The following KDM4C variants were observed in gnomAD, a reference collection of about 807,000 sequenced individuals.
KDM4C encodes lysine-specific demethylase 4C.
A neutral mutation model predicts 129.3 loss-of-function variants in KDM4C; 81 were observed. That is an observed-to-expected ratio of 0.63 (90% CI 0.52 to 0.75). KDM4C has a LOEUF of 0.75. Ranked by LOEUF, KDM4C falls within the 30% of genes least tolerant of loss-of-function variation. The pLI, the probability that KDM4C is intolerant of heterozygous loss-of-function variation, is 0.00. For synonymous variants in KDM4C, 573 were observed against 456.1 expected, an observed-to-expected ratio of 1.26 and a Z score of -3.26; for missense variants, 1,457 against 1,304.0, an observed-to-expected ratio of 1.12 and a Z score of -1.81.
intron 6 of KDM4C, among the ~76,000 whole-genome samples, chr9:6,882,370 C>G (rs975500305): frequency 6.6e-6 from 1 of 152,070 alleles, no homozygotes; most frequent in Non-Finnish European, 1.5e-5. Flanking sequence ...TAAATCTCAC[C>G]TATTTTAGAA....
intron 12 of KDM4C, among the ~76,000 whole-genome samples, chr9:7,004,895 G>C (rs1415752219): frequency 6.6e-6 from 1 of 152,208 alleles, no homozygotes; most frequent in Non-Finnish European, 1.5e-5. Context: ...CTGTCCTGCA[G>C]ACCCTGACCC....
intron 15 of KDM4C, among the ~76,000 whole-genome samples, chr9:7,022,747 T>G (rs2132272175): frequency 6.6e-6 from 1 of 151,972 alleles, no homozygotes; most frequent in East Asian, 1.9e-4. Flanking sequence ...AGAAAAGGCT[T>G]TCAGTTTTTC....
intron 17 of KDM4C, among the ~76,000 whole-genome samples, chr9:7,078,636 T>C (rs1471788174): frequency 2.0e-5 from 3 of 152,222 alleles, no homozygotes; most frequent in African/African-American, 7.2e-5. Context: ...TGTCTTGCAT[T>C]TTAAAGGTCC....
At chr9:6,767,463 C>G (rs1291339524) in intron 1 of KDM4C, among the ~76,000 whole-genome samples, 3 of 151,508 alleles carry the variant, frequency 2.0e-5, no homozygotes, top group African/African-American at 7.3e-5. Context: ...GAGACGGTGT[C>G]TTGATCTGTC....
At position 7,013,793 on chromosome 9, in the gene KDM4C, T is replaced by C; in HGVS notation, c.1974T>C (p.Asp658=). 6.2e-7 allele frequency: 1 copy of C among 1,613,712 alleles called. No individual in the cohort carries two copies. The highest frequency in any genetic ancestry group is 8.5e-7 in the Non-Finnish European group (1 of 1,179,790). Reference sequence around the variant, plus strand: ...GGAAACGTTATGTTTTTCAGCCAGATAGCAGCAATGAAGAAAATGATGCTA... The same window carrying C: ...GGAAACGTTATGTTTTTCAGCCAGACAGCAGCAATGAAGAAAATGATGCTA... The part of the protein sequence containing the change: ...CTLLMPYHKP[D]SSNEENDARW... Residue 658 remains aspartate, a synonymous_variant, in exon 14 of 22, where the codon GAT becomes GAC. Coordinates refer to ENST00000381309, the MANE Select transcript of KDM4C (RefSeq NM_015061.6).
intron 8 of KDM4C, among the ~76,000 whole-genome samples, chr9:6,961,906 G>A (rs937696074): frequency 1.3e-5 from 2 of 152,122 alleles, no homozygotes; most frequent in African/African-American, 4.8e-5. Flanking sequence ...CAGTTTCTGT[G>A]TACTACTGAA....
chr9:6,919,041 T>TG (rs1488964397), intron 8 of KDM4C, among the ~76,000 whole-genome samples: 2 of 152,174 alleles, frequency 1.3e-5, no homozygotes, highest in South Asian at 4.2e-4. Context: ...TTAGTAGAGA[T>TG]GGGGTTTCAC....
intron 1 of KDM4C, among the ~76,000 whole-genome samples, chr9:6,779,237 C>T (rs920751343): frequency 8.2e-5 from 12 of 146,532 alleles, no homozygotes; most frequent in African/African-American, 2.8e-4. Context: ...ACCGTGGTCT[C>T]GATCTCTTGA....
chr9:6,950,180 A>G (rs551621589), intron 8 of KDM4C, among the ~76,000 whole-genome samples: 8 of 151,984 alleles, frequency 5.3e-5, no homozygotes, highest in African/African-American at 1.9e-4. Flanking sequence ...AATATTTTGA[A>G]ATGATTAGCA....
At chr9:6,900,613 C>T (rs917560210) in intron 8 of KDM4C, among the ~76,000 whole-genome samples, 1 of 152,150 alleles carries the variant, frequency 6.6e-6, no homozygotes, top group African/African-American at 2.4e-5. Context: ...CCAGCCTGGG[C>T]AACAATGCAA....
chr9:6,750,303 G>T (rs1343602441), intron 1 of KDM4C, among the ~76,000 whole-genome samples: 1 of 151,914 alleles, frequency 6.6e-6, no homozygotes, highest in East Asian at 1.9e-4. Context: ...TCTGGGCATG[G>T]TGGCACGCAC....
intron 2 of KDM4C, among the ~76,000 whole-genome samples, chr9:6,793,530 T>C (rs1827152380): frequency 6.6e-6 from 1 of 151,194 alleles, no homozygotes; most frequent in African/African-American, 2.4e-5. Context: ...ATGTTTTTTC[T>C]TTTCTTTCTT....
intron 19 of KDM4C, among the ~76,000 whole-genome samples, chr9:7,152,358 A>G (rs10739120): frequency 0.85 from 128,756 of 152,266 alleles, 54,703 homozygotes; most frequent in African/African-American, 0.9. Flanking sequence ...CAAGTAAAAC[A>G]GAGTTTTTAA....
intron 1 of KDM4C, among the ~76,000 whole-genome samples, chr9:6,752,588 T>G (rs1818109549): frequency 6.6e-6 from 1 of 151,540 alleles, no homozygotes; most frequent in African/African-American, 2.4e-5. Context: ...TTTTGTATTT[T>G]TAGTAGAGAC....
intron 1 of KDM4C, among the ~76,000 whole-genome samples, chr9:6,732,032 G>C (rs1435763788): frequency 6.6e-6 from 1 of 151,964 alleles, no homozygotes; most frequent in Non-Finnish European, 1.5e-5. Context: ...TCCTTACCCA[G>C]GGTCCCCATA....
chr9:6,856,808 A>G (rs1393228554), intron 5 of KDM4C, among the ~76,000 whole-genome samples: 1 of 135,108 alleles, frequency 7.4e-6, no homozygotes, highest in Non-Finnish European at 1.5e-5. Context: ...CGGACTGCGG[A>G]CTGCAGTGGC....
At chr9:6,734,576 G>C (rs1346319421) in intron 1 of KDM4C, 1 of 215,244 alleles carries the variant, frequency 4.6e-6, no homozygotes, top group African/African-American at 2.4e-5. Context: ...TTACAGGAGT[G>C]TGTCACCATG....
intron 20 of KDM4C, among the ~76,000 whole-genome samples, chr9:7,169,398 C>T (rs563543200): frequency 7.9e-5 from 12 of 152,254 alleles, no homozygotes; most frequent in African/African-American, 2.4e-4. Flanking sequence ...TGCAGTGGTG[C>T]GATCTCAGCT....
At chr9:7,015,394 G>A (rs537935815) in intron 14 of KDM4C, among the ~76,000 whole-genome samples, 150 of 152,104 alleles carry the variant, frequency 9.9e-4, no homozygotes, top group Non-Finnish European at 1.8e-3. Context: ...TAGACAAATC[G>A]AATTGAAAAT....
Sources: allele counts gnomAD v4.1 joint callset (sites outside exome capture counted in the v4.1 genomes callset), GRCh38; gene constraint gnomAD v4.1.1; transcripts MANE v1.5; gene names NCBI Gene and HGNC (gene_info 2026-07-23, HGNC 2026-07-21).